GSK3B: variants seen among roughly 807,000 people sequenced by gnomAD.
The protein encoded by GSK3B is glycogen synthase kinase-3 beta.
GSK3B carries 15 observed loss-of-function variants against 56.4 expected under a neutral mutation model. The ratio of observed to expected loss-of-function variants is 0.27; its 90% CI spans 0.18 to 0.41. The LOEUF is 0.41. Among genes scored for constraint, GSK3B ranks in the 10% least tolerant of loss-of-function variants. GSK3B has a pLI of 1.00. For missense variants in GSK3B, 300 were observed against 513.4 expected (o/e 0.58, Z 4.02); for synonymous variants, 181 against 188.9 (o/e 0.96, Z 0.34).
chr3:120,061,900 T>C (rs1200476595), intron 1 of GSK3B, among the ~76,000 whole-genome samples: 1 of 151,962 alleles, frequency 6.6e-6, no homozygotes. Flanking sequence ...GCGCAGCTAA[T>C]TTTGTACTTT....
chr3:119,832,722 G>A (rs2055623240), intron 10 of GSK3B, among the ~76,000 whole-genome samples: 1 of 152,212 alleles, frequency 6.6e-6, no homozygotes, highest in Non-Finnish European at 1.5e-5. Context: ...ACCAGATGCT[G>A]CAAAGCAAAT....
intron 1 of GSK3B, among the ~76,000 whole-genome samples, chr3:120,089,512 CTT>C (rs2058493408): frequency 6.6e-6 from 1 of 152,170 alleles, no homozygotes; most frequent in Non-Finnish European, 1.5e-5. Context: ...GCTACCTACT[CTT>C]TGGCTTTAAT....
At chr3:119,920,102 A>C (rs1471448968) in intron 4 of GSK3B, among the ~76,000 whole-genome samples, 2 of 152,220 alleles carry the variant, frequency 1.3e-5, no homozygotes, top group African/African-American at 4.8e-5. Context: ...TTGTTTTGTC[A>C]ATCTTGCTTT....
At chr3:119,903,470 C>T (rs549502416) in intron 7 of GSK3B, among the ~76,000 whole-genome samples, 9 of 150,110 alleles carry the variant, frequency 6.0e-5, no homozygotes, top group Admixed American at 4.7e-4. Context: ...ATATTGATCA[C>T]GGACCATTTT....
chr3:119,970,316 A>T (rs949034023), intron 2 of GSK3B, among the ~76,000 whole-genome samples: 2 of 152,170 alleles, frequency 1.3e-5, no homozygotes, highest in Non-Finnish European at 1.5e-5. Context: ...AAGACAATAT[A>T]CGGATGGCAA....
Position 119,991,770 on chromosome 3 carries a change from A to C in GSK3B, c.282+10276T>G, listed in dbSNP as rs1476126419. Among the ~76,000 whole-genome samples, 4 of 152,104 alleles carry C rather than the reference A, an allele frequency of 2.6e-5. No individual in the cohort carries two copies. In the East Asian group the frequency reaches 7.7e-4, roughly 29 times the overall value. ...CAAATTTTATTTTTTGGCCACAACA[A>C]AGAATACTTAAATTCCACAAAGGAA... On this transcript the variant is annotated intron_variant, in intron 2 of 10. Coordinates refer to ENST00000264235, the MANE Select transcript of GSK3B (RefSeq NM_001146156.2).
At chr3:119,997,671 G>C (rs1353777603) in intron 2 of GSK3B, among the ~76,000 whole-genome samples, 1 of 151,936 alleles carries the variant, frequency 6.6e-6, no homozygotes, top group East Asian at 1.9e-4. Flanking sequence ...ATTTTTTTAA[G>C]AGAAAAAACA....
chr3:119,848,533 G>A (rs992111216), intron 9 of GSK3B, among the ~76,000 whole-genome samples: 4 of 151,888 alleles, frequency 2.6e-5, no homozygotes, highest in Non-Finnish European at 5.9e-5. Context: ...ATCTCCTCTA[G>A]TTCCAAAACA....
intron 1 of GSK3B, among the ~76,000 whole-genome samples, chr3:120,051,705 C>T (rs1413409742): frequency 6.7e-6 from 1 of 148,746 alleles, no homozygotes; most frequent in Admixed American, 6.7e-5. Flanking sequence ...AGGCGGAGGT[C>T]ACAGTGAGCA....
rs565300400 is a variant in GSK3B at position 119,987,292 on chromosome 3, G to A, written c.282+14754C>T. On this transcript the variant is annotated intron_variant, in intron 2 of 10. Transcript: ENST00000264235. The stretch of plus-strand genomic sequence containing the variant: ...GTATACCTATGTATCAAACCTGTAC[G>A]TTGTGCACATGTACCCTAGAACTTA... Among the ~76,000 whole-genome samples the A allele has an allele frequency of 9.2e-5, 14 of 152,226 alleles. No individual in the cohort carries two copies. The East Asian group carries it at 1.2e-3, about 13-fold the overall frequency.
In GSK3B at chr3:119,916,753, C is replaced by CA. The variant is rs542418905; in HGVS notation, c.478-580dup. Among the ~76,000 whole-genome samples the CA allele has an allele frequency of 1.1e-4, 17 of 152,302 alleles. No homozygotes were observed. In the East Asian group the frequency reaches 1.9e-3, roughly 17 times the overall value. On this transcript the variant is annotated intron_variant, in intron 4 of 10. Coordinates refer to ENST00000264235, the MANE Select transcript of GSK3B (RefSeq NM_001146156.2). The stretch of plus-strand genomic sequence containing the variant: ...TGTAATCACTGCTCTATCAAGACAT[C>CA]AATAACCCTGTTAGTAGCATCACCA...
chr3:119,828,360 TTAATGA>T (rs749544419), intron 10 of GSK3B, among the ~76,000 whole-genome samples: 2 of 152,210 alleles, frequency 1.3e-5, no homozygotes, highest in African/African-American at 2.4e-5. Context: ...GTCATCTCTC[TTAATGA>T]CAGAGAAGGT....
intron 10 of GSK3B, among the ~76,000 whole-genome samples, chr3:119,828,390 T>C (rs369797003): frequency 2.0e-5 from 3 of 152,312 alleles, no homozygotes; most frequent in South Asian, 4.1e-4. Flanking sequence ...GCTGGCCAAA[T>C]TTTCTCCCAA....
intron 1 of GSK3B, among the ~76,000 whole-genome samples, chr3:120,069,663 T>TG (rs1356231355): frequency 5.5e-4 from 56 of 101,528 alleles, no homozygotes; most frequent in Non-Finnish European, 5.6e-4. Context: ...AAACAGTTTT[T>TG]GGAAAAAAAA....
At chr3:120,026,593 TCTCA>T (rs1031294094) in intron 1 of GSK3B, among the ~76,000 whole-genome samples, 4 of 146,048 alleles carry the variant, frequency 2.7e-5, no homozygotes, top group African/African-American at 1.0e-4. Context: ...TGAGACGGAG[TCTCA>T]CTCTGTTGCC....
intron 1 of GSK3B, among the ~76,000 whole-genome samples, chr3:120,056,710 A>G (rs1371344562): frequency 6.6e-6 from 1 of 152,222 alleles, no homozygotes; most frequent in African/African-American, 2.4e-5. Context: ...GCCAATTTAT[A>G]GTTTGAGGAA....
At chr3:119,866,639 T>G (rs201695579) in intron 8 of GSK3B, 36 of 1,583,568 alleles carry the variant, frequency 2.3e-5, no homozygotes, top group Non-Finnish European at 2.8e-5. Flanking sequence ...CTAAAGATGA[T>G]AATGCAGTGA....
intron 1 of GSK3B, among the ~76,000 whole-genome samples, chr3:120,088,727 C>T (rs958398109): frequency 2.0e-5 from 3 of 152,286 alleles, no homozygotes; most frequent in Non-Finnish European, 2.9e-5. Context: ...GAACAATATC[C>T]GGGGAACCCG....
chr3:119,990,532 T>G (rs1475141828), intron 2 of GSK3B, among the ~76,000 whole-genome samples: 2 of 152,226 alleles, frequency 1.3e-5, no homozygotes, highest in African/African-American at 4.8e-5. Context: ...AATCTTCCTC[T>G]GGCACTGTCT....
Sources: allele counts gnomAD v4.1 joint callset (sites outside exome capture counted in the v4.1 genomes callset), GRCh38; gene constraint gnomAD v4.1.1; transcripts MANE v1.5; gene names NCBI Gene and HGNC (gene_info 2026-07-23, HGNC 2026-07-21).